The following HIP1 variants were observed in gnomAD, a reference collection of about 807,000 sequenced individuals.
HIP1 encodes the protein huntingtin-interacting protein 1.
Under a neutral mutation model 147.6 loss-of-function variants are expected in HIP1, and 65 were observed. The ratio of observed to expected loss-of-function variants is 0.44; its 90% CI spans 0.36 to 0.54. The LOEUF is 0.54. Among genes scored for constraint, HIP1 ranks in the 20% least tolerant of loss-of-function variants. The pLI, the probability that HIP1 is intolerant of heterozygous loss-of-function variation, is 0.00. For missense variants in HIP1, 1,061 were observed against 1,299.6 expected (o/e 0.82, Z 2.82); for synonymous variants, 479 against 504.0 (o/e 0.95, Z 0.67).
intron 1 of HIP1, among the ~76,000 whole-genome samples, chr7:75,647,085 G>A (rs555284566): frequency 1.3e-5 from 2 of 152,106 alleles, no homozygotes; most frequent in Admixed American, 1.3e-4. Context: ...CGTGGACATG[G>A]CCAGATGTGG....
At chr7:75,602,438 C>CTA (rs1554503150) in intron 1 of HIP1, among the ~76,000 whole-genome samples, 1 of 146,992 alleles carries the variant, frequency 6.8e-6, no homozygotes, top group Non-Finnish European at 1.5e-5. Context: ...GTAGCTGGGA[C>CTA]TATAGCTGCA....
chr7:75,688,448 G>A (rs903170525), intron 1 of HIP1, among the ~76,000 whole-genome samples: 11 of 152,036 alleles, frequency 7.2e-5, no homozygotes, highest in African/African-American at 1.7e-4. Flanking sequence ...ATGAGCTGTC[G>A]GTGGAGCCCC....
intron 1 of HIP1, among the ~76,000 whole-genome samples, chr7:75,661,896 G>T (rs1172630512): frequency 6.6e-6 from 1 of 152,082 alleles, no homozygotes; most frequent in Non-Finnish European, 1.5e-5. Flanking sequence ...CCCCAAGAGT[G>T]TGGAAAAATC....
At chr7:75,709,233 C>G (rs1801093563) in intron 1 of HIP1, among the ~76,000 whole-genome samples, 1 of 151,776 alleles carries the variant, frequency 6.6e-6, no homozygotes. Context: ...CTGCCTCAGC[C>G]TCCCCAGTAG....
At chr7:75,616,408 T>C (rs587661989) in intron 1 of HIP1, among the ~76,000 whole-genome samples, 1 of 152,216 alleles carries the variant, frequency 6.6e-6, no homozygotes, top group Non-Finnish European at 1.5e-5. Context: ...TAGGTGGGCC[T>C]ACAGGTGCGC....
chr7:75,547,574 T>C (rs1211218548), intron 24 of HIP1, among the ~76,000 whole-genome samples, 181 bp downstream of exon 24: 5 of 152,118 alleles, frequency 3.3e-5, no homozygotes, highest in African/African-American at 1.2e-4. Context: ...GTTTCTTTTC[T>C]ATAGTGAAAC....
chr7:75,698,017 GTC>G (rs1487578948), intron 1 of HIP1, among the ~76,000 whole-genome samples: 1 of 151,908 alleles, frequency 6.6e-6, no homozygotes, highest in African/African-American at 2.4e-5. Flanking sequence ...AGAGACTGAG[GTC>G]TCACACACTA....
chr7:75,554,776 T>C (rs999748457), intron 19 of HIP1, among the ~76,000 whole-genome samples: 1 of 152,130 alleles, frequency 6.6e-6, no homozygotes, highest in Non-Finnish European at 1.5e-5. Flanking sequence ...CTGGGGGCTT[T>C]AGAAAATACT....
At position 75,538,189 on chromosome 7, in the gene HIP1, C is replaced by G; in HGVS notation, c.3097G>C (p.Val1033Leu). ...GTTTGGCTCTATTCTTTTTCGGTTA[C>G]CACTTCTTGCAGTGTAGGTGGAGAT... Reference protein sequence around the residue: ...EASPPTLQEVVTEKE With the variant: ...EASPPTLQEVLTEKE Residue 1033 changes from valine (V) to leucine (L), a missense_variant, in exon 31 of 31, where the codon GTA (valine) becomes CTA (leucine). Around this residue, in one of 3 missense-constraint regions of HIP1, gnomAD observed 810 missense variants for 946.8 expected, o/e 0.86. Transcript: ENST00000336926. The G allele has an allele frequency of 6.2e-7, 1 of 1,612,810 alleles. No individual in the cohort carries two copies. Among genetic ancestry groups the G allele is most frequent in the East Asian group, 2.2e-5 (1 of 44,876 alleles).
chr7:75,641,724 C>T (rs990643500), intron 1 of HIP1, among the ~76,000 whole-genome samples: 6 of 151,998 alleles, frequency 3.9e-5, no homozygotes, highest in Admixed American at 6.6e-5. Context: ...CTCGAACTCC[C>T]GACCTCAGCC....
intron 1 of HIP1, among the ~76,000 whole-genome samples, chr7:75,650,838 G>A (rs1563269937): frequency 6.6e-6 from 1 of 152,100 alleles, no homozygotes; most frequent in Non-Finnish European, 1.5e-5. Flanking sequence ...TCCCCGCCCT[G>A]GGGAGGGTGG....
In HIP1 at chr7:75,622,187, G is replaced by T. The variant is rs187254294; in HGVS notation, c.121-22940C>A. Reference sequence around the variant, plus strand: ...GCTGACTCGGGAGGCTAAGGCAGAAGAATTGCTTGAACTCAGGAGGTGAAG... The same window carrying T: ...GCTGACTCGGGAGGCTAAGGCAGAATAATTGCTTGAACTCAGGAGGTGAAG... On this transcript the variant is annotated intron_variant, in intron 1 of 30. Coordinates refer to ENST00000336926, the MANE Select transcript of HIP1 (RefSeq NM_005338.7). Among the ~76,000 whole-genome samples, 789 of 152,152 alleles carry T rather than the reference G, an allele frequency of 5.2e-3. 5 individuals are homozygous for T. Among genetic ancestry groups the T allele is most frequent in the Non-Finnish European group, 6.2e-3 (424 of 68,010 alleles).
chr7:75,541,841 CT>C lies in HIP1; in HGVS notation c.2952+77del. On this transcript the variant is annotated intron_variant, in intron 29 of 30. Coordinates refer to ENST00000336926, the MANE Select transcript of HIP1 (RefSeq NM_005338.7). ...TGCACCTGTGTTCATTTCCCTCTGG[CT>C]TTTCTCCATGGGAATAATATTCAGA... is the stretch of plus-strand genomic sequence containing the variant. 4 of 1,109,808 alleles carry C rather than the reference CT, an allele frequency of 3.6e-6. No individual in the cohort carries two copies. The South Asian group carries it at 5.0e-5, about 14-fold the overall frequency. 68.7% of individuals were successfully genotyped at this position (1,109,808 alleles called of 1,614,324 possible).
At chr7:75,635,526 C>T (rs1207621522) in intron 1 of HIP1, among the ~76,000 whole-genome samples, 4 of 142,764 alleles carry the variant, frequency 2.8e-5, no homozygotes, top group Middle Eastern at 4.0e-3. Flanking sequence ...GGTGGTGAGC[C>T]GAGATCGTGC....
rs782155271 is a variant in HIP1 at position 75,568,331 on chromosome 7, G to A, written c.746-75C>T. ...GGAAGCCACAGCGGGGCTCTCGAGG[G>A]GGAGGGGCCCAGCTACCCTGGGGCA... On this transcript the variant is annotated intron_variant, in intron 8 of 30. Coordinates refer to ENST00000336926, the MANE Select transcript of HIP1 (RefSeq NM_005338.7). This position sits in a 1 kb window ranked among gnomAD's most constrained non-coding sequence, Gnocchi z 4.1. 4.0e-5 allele frequency: 38 copies of A among 959,128 alleles called. No homozygotes were observed. The highest frequency in any genetic ancestry group is 6.0e-5 in the Non-Finnish European group (35 of 583,560). The allele number at this position is 959,128 out of a possible 1,614,324, so 59.4% of individuals were successfully genotyped here.
chr7:75,711,580 T>C (rs1554520126), intron 1 of HIP1, among the ~76,000 whole-genome samples: 2 of 152,166 alleles, frequency 1.3e-5, no homozygotes, highest in African/African-American at 2.4e-5. Flanking sequence ...GGAAGGGACA[T>C]TTGAGATCAA....
chr7:75,638,697 G>A (rs1554510023), intron 1 of HIP1, among the ~76,000 whole-genome samples: 1 of 152,192 alleles, frequency 6.6e-6, no homozygotes, highest in Non-Finnish European at 1.5e-5. Flanking sequence ...CGGGCAGGGG[G>A]CTCCGGAGGG....
In HIP1 at chr7:75,554,589, ATTAAGCACTGAATGGAGGAGCTTACC is replaced by A. The variant is rs1794919845; in HGVS notation, c.1964-89_1964-64del. 5 of 1,225,962 alleles carry A rather than the reference ATTAAGCACTGAATGGAGGAGCTTACC, an allele frequency of 4.1e-6. No individual in the cohort carries two copies. The Admixed American group carries it at 8.5e-5, about 21-fold the overall frequency. 75.9% of individuals were successfully genotyped at this position (1,225,962 alleles called of 1,614,324 possible). ...CTCATAGCTGGCTTCATCCTCGTTA[ATTAAGCACTGAATGGAGGAGCTTACC>A]TAGTGGGTAAGCTTCCTGCCTAGAC... On this transcript the variant is annotated intron_variant, in intron 19 of 30. Coordinates refer to ENST00000336926, the MANE Select transcript of HIP1 (RefSeq NM_005338.7).
In HIP1 at chr7:75,563,482, A is replaced by G. The variant is rs782789075; in HGVS notation, c.804-219T>C. ...TGGTGAGGAAAGAGTAATTCATGCT[A>G]CAAATCCTTTGGAAGAGTAGATAAT... On this transcript the variant is annotated intron_variant, in intron 9 of 30. Transcript: ENST00000336926. 1.2e-5 allele frequency: 7 copies of G among 563,146 alleles called. No homozygotes were observed. The East Asian group carries it at 1.5e-4, about 12-fold the overall frequency. 34.9% of individuals were successfully genotyped at this position (563,146 alleles called of 1,614,324 possible).
Sources: allele counts gnomAD v4.1 joint callset (sites outside exome capture counted in the v4.1 genomes callset), GRCh38; gene constraint gnomAD v4.1.1; regional missense constraint gnomAD v4.1.1; non-coding constraint Gnocchi (gnomAD v3.1); transcripts MANE v1.5; gene names NCBI Gene and HGNC (gene_info 2026-07-23, HGNC 2026-07-21).